TMC2: variants seen among roughly 807,000 people sequenced by gnomAD.
TMC2 encodes transmembrane channel like 2, also known as transmembrane channel-like protein 2.
TMC2 carries 102 observed loss-of-function variants against 105.9 expected under a neutral mutation model. The ratio of observed to expected loss-of-function variants is 0.96; its 90% confidence interval spans 0.82 to 1.14. The LOEUF is 1.14. TMC2 is among the 50% of genes most tolerant of loss of function. The pLI, the probability that TMC2 is intolerant of heterozygous loss-of-function variation, is 0.00. For synonymous variants in TMC2, 402 were observed against 422.8 expected, an observed-to-expected ratio of 0.95 and a Z score of 0.60; for missense variants, 1,093 against 1,134.3, an observed-to-expected ratio of 0.96 and a Z score of 0.52.
chr20:2,627,722 C>T (rs753874879), intron 17 of TMC2, among the ~76,000 whole-genome samples: 64 of 152,192 alleles, frequency 4.2e-4, no homozygotes, highest in Non-Finnish European at 1.3e-4. Context: ...TCAGCATTTA[C>T]AGTTGTTTTT....
chr20:2,637,144 T>G (rs976319810), intron 18 of TMC2, among the ~76,000 whole-genome samples: 4 of 151,648 alleles, frequency 2.6e-5, no homozygotes, highest in African/African-American at 9.7e-5. Context: ...ATCCCAGCAC[T>G]TTGTGAGGCC....
chr20:2,628,791 C>T (rs187760317), intron 17 of TMC2, among the ~76,000 whole-genome samples: 3 of 152,308 alleles, frequency 2.0e-5, no homozygotes, highest in African/African-American at 7.2e-5. Context: ...TTGGGTAGTT[C>T]TTTATAGCAG....
chr20:2,557,408 T>G (rs968411476), intron 2 of TMC2, among the ~76,000 whole-genome samples: 1 of 152,238 alleles, frequency 6.6e-6, no homozygotes, highest in Non-Finnish European at 1.5e-5. Flanking sequence ...TGTTTTTGGT[T>G]TTTACCATTT....
At chr20:2,545,680 AG>A in intron 2 of TMC2, among the ~76,000 whole-genome samples, 1 of 66,278 alleles carries the variant, frequency 1.5e-5, no homozygotes, top group East Asian at 4.1e-4. Context: ...AAGAAGAAGA[AG>A]AAGAAAGAAG....
At chr20:2,579,811 A>G in intron 6 of TMC2, 139 bp from the exon 7 acceptor site, 1 of 574,628 alleles carries the variant, frequency 1.7e-6, no homozygotes, top group Non-Finnish European at 3.1e-6. Flanking sequence ...CAGGTTATTT[A>G]TCCAGGAAAA....
In TMC2 at chr20:2,592,240, C is replaced by G; in HGVS notation, c.835-70C>G. Reference sequence around the variant, plus strand: ...GCTCTGAGAAGGAAAGCATTTACCCCAGTATATGAATGTCTCTGTGTGTTT... The same window carrying G: ...GCTCTGAGAAGGAAAGCATTTACCCGAGTATATGAATGTCTCTGTGTGTTT... On this transcript the variant is annotated intron_variant, in intron 7 of 19. Coordinates refer to ENST00000358864, the MANE Select transcript of TMC2 (RefSeq NM_080751.3). The surrounding 1 kb of genome is among the most constrained non-coding windows in gnomAD (Gnocchi z 4.9). 2.2e-6 allele frequency: 2 copies of G among 928,026 alleles called. No individual in the cohort carries two copies. The highest frequency in any genetic ancestry group is 3.5e-6 in the Non-Finnish European group (2 of 568,464). The allele number at this position is 928,026 out of a possible 1,614,324, so 57.5% of individuals were successfully genotyped here.
chr20:2,564,885 A>G (rs2086053495), intron 4 of TMC2, among the ~76,000 whole-genome samples: 1 of 152,198 alleles, frequency 6.6e-6, no homozygotes, highest in Admixed American at 6.5e-5. Flanking sequence ...CCCTTCCCCA[A>G]GGCTCCTTAT....
At chr20:2,593,386 T>C (rs998017623) in intron 8 of TMC2, among the ~76,000 whole-genome samples, 3 of 152,126 alleles carry the variant, frequency 2.0e-5, no homozygotes, top group Non-Finnish European at 2.9e-5. Context: ...TTTATTCCAT[T>C]TGGGAATGAG....
At chr20:2,549,626 C>T (rs1047162552) in intron 2 of TMC2, among the ~76,000 whole-genome samples, 1 of 151,794 alleles carries the variant, frequency 6.6e-6, no homozygotes, top group Non-Finnish European at 1.5e-5. Flanking sequence ...GCCTGTAATC[C>T]CAGCTACTCA....
chr20:2,621,432 GT>G (rs2086524605), intron 16 of TMC2, among the ~76,000 whole-genome samples: 1 of 151,352 alleles, frequency 6.6e-6, no homozygotes, highest in Admixed American at 6.6e-5. Context: ...AGAAGGTGAT[GT>G]GACCATAGAA....
At chr20:2,551,413 A>G (rs982275940) in intron 2 of TMC2, among the ~76,000 whole-genome samples, 60 of 141,324 alleles carry the variant, frequency 4.2e-4, no homozygotes, top group Non-Finnish European at 5.3e-4. Context: ...TTTTTTTTTT[A>G]ATTCTCTTCA....
chr20:2,591,287 C>A (rs2086266087), intron 7 of TMC2, among the ~76,000 whole-genome samples: 1 of 151,898 alleles, frequency 6.6e-6, no homozygotes, highest in African/African-American at 2.4e-5. Flanking sequence ...AAACTGGTCA[C>A]AAAATAATAT....
At position 2,613,278 on chromosome 20, in the gene TMC2, C is replaced by G; in HGVS notation, c.1828C>G (p.Arg610Gly). The change falls in exon 14 of 20, where the codon CGG (arginine) becomes GGG (glycine). Residue 610 changes from arginine to glycine, a missense_variant. Coordinates refer to ENST00000358864, the MANE Select transcript of TMC2 (RefSeq NM_080751.3). ...GGACTTCCTACGGGCTTGTTTTGTG[C>G]GGTTCATGAACTACTGCTGGTGCTG... ...LGDFLRACFV[R>G]FMNYCWCWDL... 1 of 1,613,972 alleles carries G rather than the reference C, an allele frequency of 6.2e-7. No individual in the cohort carries two copies. Among genetic ancestry groups the G allele is most frequent in the South Asian group, 1.1e-5 (1 of 91,074 alleles).
In TMC2 at chr20:2,616,111, C is replaced by A; in HGVS notation, c.1873-26C>A. 6.3e-7 allele frequency: 1 copy of A among 1,590,216 alleles called. No individual in the cohort carries two copies. ...AACGTGCTTTTTTTTTTCTCTCTCTCTCTCGCTCCCTCCCTCCCTCTCTAG... is the reference window on the plus strand; with the variant it reads ...AACGTGCTTTTTTTTTTCTCTCTCTATCTCGCTCCCTCCCTCCCTCTCTAG... On this transcript the variant is annotated intron_variant, in intron 14 of 19. Transcript: ENST00000358864. This position sits in a 1 kb window ranked among gnomAD's most constrained non-coding sequence, Gnocchi z 4.8.
chr20:2,562,078 C>T (rs1292629057), intron 4 of TMC2, 68 bp downstream of exon 4: 2 of 1,531,798 alleles, frequency 1.3e-6, no homozygotes, highest in East Asian at 2.3e-5. Context: ...AATGGGAGCC[C>T]TCCCTCCACA....
intron 17 of TMC2, among the ~76,000 whole-genome samples, chr20:2,631,085 A>G (rs2086599641): frequency 6.6e-6 from 1 of 151,994 alleles, no homozygotes; most frequent in Admixed American, 6.6e-5. Flanking sequence ...TTCTCTAACT[A>G]TATTTTGTTT....
In TMC2 at chr20:2,597,177, C is replaced by A; in HGVS notation, c.1103C>A (p.Thr368Lys). The stretch of plus-strand genomic sequence containing the variant: ...ATGGCCAGCAATACCCAAGGAAGCA[C>A]AGGCGAAGGGGAGAGTGACAACTTC... ...RSMASNTQGS[T>K]GEGESDNFTF... Residue 368 changes from threonine (T) to lysine (K), a missense_variant, in exon 10 of 20, where the codon ACA (threonine) becomes AAA (lysine). Transcript: ENST00000358864. The A allele has an allele frequency of 6.2e-7, 1 of 1,614,150 alleles. No individual in the cohort carries two copies. Among genetic ancestry groups the A allele is most frequent in the South Asian group, 1.1e-5 (1 of 91,082 alleles).
chr20:2,571,786 G>A (rs1249885280), intron 4 of TMC2, among the ~76,000 whole-genome samples: 1 of 152,176 alleles, frequency 6.6e-6, no homozygotes, highest in East Asian at 1.9e-4. Flanking sequence ...GACTGCTTGA[G>A]CTCAGGAGGT....
At position 2,602,247 on chromosome 20, in the gene TMC2, G is replaced by C; in HGVS notation, c.1359G>C (p.Lys453Asn). The C allele has an allele frequency of 6.2e-7, 1 of 1,611,856 alleles. No homozygotes were observed. The highest frequency in any genetic ancestry group is 1.1e-5 in the South Asian group (1 of 90,490). ...GSGYLIYFVVKRSQQFSKMQN... is the reference protein window; with the variant it reads ...GSGYLIYFVVNRSQQFSKMQN... ...GGTACCTCATTTACTTTGTGGTTAAGCGATCTCAGCAATTCTCCAAAATGC... is the reference window on the plus strand; with the variant it reads ...GGTACCTCATTTACTTTGTGGTTAACCGATCTCAGCAATTCTCCAAAATGC... The change falls in exon 11 of 20, where the codon AAG becomes AAC. Residue 453 changes from lysine (K) to asparagine (N), a missense_variant. Transcript: ENST00000358864.
Sources: allele counts gnomAD v4.1 joint callset (sites outside exome capture counted in the v4.1 genomes callset), GRCh38; gene constraint gnomAD v4.1.1; non-coding constraint Gnocchi (gnomAD v3.1); transcripts MANE v1.5; gene names NCBI Gene and HGNC (gene_info 2026-07-23, HGNC 2026-07-21).